Variants in SLC39A9 observed in about 807,000 individuals in gnomAD.
SLC39A9 encodes zinc transporter ZIP9.
A neutral mutation model predicts 28.4 loss-of-function variants in SLC39A9; 14 were observed. That is an observed-to-expected ratio of 0.49 (90% CI 0.33 to 0.77). The LOEUF (loss-of-function observed/expected upper bound fraction) is 0.77, where lower values mean the gene tolerates loss of function less well. SLC39A9 is among the 30% of genes least tolerant of loss of function. The pLI, the probability that SLC39A9 is intolerant of heterozygous loss-of-function variation, is 0.02. For missense variants in SLC39A9, 283 were observed against 381.1 expected (o/e 0.74, Z 2.14); for synonymous variants, 119 against 149.6 (o/e 0.80, Z 1.49).
chr14:69,450,609 A>G (rs1248649484), intron 3 of SLC39A9, among the ~76,000 whole-genome samples: 2 of 152,078 alleles, frequency 1.3e-5, no homozygotes, highest in African/African-American at 2.4e-5. Flanking sequence ...ACCCATCTCT[A>G]CAAAAAAGTA....
At chr14:69,401,135 A>C (rs1272616849) in intron 1 of SLC39A9, among the ~76,000 whole-genome samples, 1 of 152,198 alleles carries the variant, frequency 6.6e-6, no homozygotes, top group Non-Finnish European at 1.5e-5. Context: ...GCATTTCGGC[A>C]AAGGTACATG....
intron 2 of SLC39A9, among the ~76,000 whole-genome samples, chr14:69,430,684 G>A (rs1286551962): frequency 6.8e-6 from 1 of 147,688 alleles, no homozygotes; most frequent in East Asian, 2.0e-4. Context: ...GCTGGAGTGT[G>A]CAGTGGCATG....
At chr14:69,432,629 T>A (rs1219659893) in intron 2 of SLC39A9, among the ~76,000 whole-genome samples, 1 of 152,198 alleles carries the variant, frequency 6.6e-6, no homozygotes, top group Non-Finnish European at 1.5e-5. Flanking sequence ...TTCCCAAGGC[T>A]GATGTCCAGA....
chr14:69,459,486 A>T lies in SLC39A9; in HGVS notation c.*893A>T, dbSNP rs1256350441. 2.0e-6 allele frequency: 2 copies of T among 984,310 alleles called. No individual in the cohort carries two copies. Among genetic ancestry groups the T allele is most frequent in the Non-Finnish European group, 2.4e-6 (2 of 829,270 alleles). The allele number at this position is 984,310 out of a possible 1,614,324, so 61.0% of individuals were successfully genotyped here. A position where few individuals can be genotyped will look rare whatever the true frequency, so the allele number is the denominator to read the frequency against. Reference sequence around the variant, plus strand: ...ATATTAAATTTTAAGTGATTTTTGGATGGTTATTGATATCTTTGTAGTAGC... The same window carrying T: ...ATATTAAATTTTAAGTGATTTTTGGTTGGTTATTGATATCTTTGTAGTAGC... On this transcript the variant is annotated 3_prime_UTR_variant, in exon 7 of 7. Transcript: ENST00000336643.
At chr14:69,405,449 A>G (rs1882862165) in intron 1 of SLC39A9, among the ~76,000 whole-genome samples, 1 of 152,120 alleles carries the variant, frequency 6.6e-6, no homozygotes, top group East Asian at 1.9e-4. Context: ...TTGGAATTTC[A>G]TTTGTAAATT....
intron 2 of SLC39A9, among the ~76,000 whole-genome samples, chr14:69,435,297 C>T (rs1884686492): frequency 6.6e-6 from 1 of 152,108 alleles, no homozygotes; most frequent in Non-Finnish European, 1.5e-5. Flanking sequence ...TGTGCAATAT[C>T]CCTCTTTATT....
intron 1 of SLC39A9, among the ~76,000 whole-genome samples, chr14:69,403,399 G>T (rs920690306): frequency 6.6e-6 from 1 of 152,212 alleles, no homozygotes; most frequent in Non-Finnish European, 1.5e-5. Context: ...ACTCACCTGA[G>T]TATGTCTCCT....
chr14:69,401,359 TC>T (rs1413204575), intron 1 of SLC39A9, among the ~76,000 whole-genome samples: 1 of 152,210 alleles, frequency 6.6e-6, no homozygotes, highest in Non-Finnish European at 1.5e-5. Flanking sequence ...CTGCTATGTT[TC>T]CTTTGACATA....
intron 3 of SLC39A9, among the ~76,000 whole-genome samples, chr14:69,446,895 AG>A (rs1192741137): frequency 1.7e-4 from 24 of 144,266 alleles, no homozygotes; most frequent in Admixed American, 2.7e-4. Flanking sequence ...AAAAAGAAAA[AG>A]AAAAAAAAAT....
chr14:69,459,554 T>G lies in SLC39A9; in HGVS notation c.*961T>G. On this transcript the variant is annotated 3_prime_UTR_variant, in exon 7 of 7. Transcript: ENST00000336643. The stretch of plus-strand genomic sequence containing the variant: ...CAAAATGTATGGTTGTCCTTTTTTT[T>G]TGTTTTTTTTTTTTTTAATTATTTC... 1.1e-6 allele frequency: 1 copy of G among 951,436 alleles called. No homozygotes were observed. Among genetic ancestry groups the G allele is most frequent in the Non-Finnish European group, 1.2e-6 (1 of 812,678 alleles). The allele number at this position is 951,436 out of a possible 1,614,324, so 58.9% of individuals were successfully genotyped here.
chr14:69,427,821 A>G (rs1288613635), intron 2 of SLC39A9, among the ~76,000 whole-genome samples: 1 of 152,256 alleles, frequency 6.6e-6, no homozygotes, highest in Non-Finnish European at 1.5e-5. Flanking sequence ...TTGTTATAAC[A>G]TGTCTGAACA....
Position 69,399,336 on chromosome 14 carries a change from G to T in SLC39A9, c.-34G>T, listed in dbSNP as rs764633089. The T allele has an allele frequency of 2.3e-5, 37 of 1,587,150 alleles. No homozygotes were observed. The highest frequency in any genetic ancestry group is 3.2e-5 in the Non-Finnish European group (37 of 1,156,930). ...CATTTAAAGCCACTGGAAATTTGTT[G>T]TCTAGTGGTTGTGGGTGAATAAAGG... On this transcript the variant is annotated 5_prime_UTR_variant, in exon 1 of 7. Transcript: ENST00000336643.
intron 1 of SLC39A9, among the ~76,000 whole-genome samples, chr14:69,413,561 C>T (rs1883400399): frequency 6.6e-6 from 1 of 151,698 alleles, no homozygotes; most frequent in Non-Finnish European, 1.5e-5. Context: ...TTATGATGTG[C>T]TCACTGTATT....
Position 69,417,474 on chromosome 14 carries a change from A to G in SLC39A9, c.97-6620A>G, listed in dbSNP as rs183642441. ...AATGCGACCTGTTTTTTGGTTCTAT[A>G]TGAACTTTAAAGTAGTTTTTTCCAA... is the stretch of plus-strand genomic sequence containing the variant. On this transcript the variant is annotated intron_variant, in intron 1 of 6. Coordinates refer to ENST00000336643, the MANE Select transcript of SLC39A9 (RefSeq NM_018375.5). Among the ~76,000 whole-genome samples, 10 of 152,294 alleles carry G rather than the reference A, an allele frequency of 6.6e-5. No homozygotes were observed. The East Asian group carries it at 1.7e-3, about 26-fold the overall frequency.
chr14:69,448,884 G>T (rs1050298780), intron 3 of SLC39A9, among the ~76,000 whole-genome samples: 2 of 148,948 alleles, frequency 1.3e-5, no homozygotes, highest in African/African-American at 4.9e-5. Flanking sequence ...AAATGTTAGA[G>T]AAAAAGAATG....
intron 2 of SLC39A9, among the ~76,000 whole-genome samples, chr14:69,429,700 A>G (rs1272709053): frequency 6.6e-6 from 1 of 152,232 alleles, no homozygotes; most frequent in Non-Finnish European, 1.5e-5. Context: ...CTTTGGCATC[A>G]GAGCAAGACA....
At chr14:69,428,559 T>C (rs1449088869) in intron 2 of SLC39A9, 2 of 152,638 alleles carry the variant, frequency 1.3e-5, no homozygotes, top group African/African-American at 4.8e-5. Flanking sequence ...TTCCACTCGA[T>C]AGATGCCAAA....
chr14:69,451,285 C>T (rs1436477913), intron 3 of SLC39A9, among the ~76,000 whole-genome samples: 2 of 152,206 alleles, frequency 1.3e-5, no homozygotes, highest in Non-Finnish European at 2.9e-5. Flanking sequence ...TAAACCCCTT[C>T]CTTTTGTATG....
intron 3 of SLC39A9, among the ~76,000 whole-genome samples, chr14:69,451,522 A>G (rs1456163175): frequency 6.6e-6 from 1 of 152,188 alleles, no homozygotes; most frequent in Non-Finnish European, 1.5e-5. Flanking sequence ...TCTGTCAGAC[A>G]TGTTAAAGGA....
Sources: gnomAD v4.1 joint callset for allele counts (sites outside exome capture counted in the v4.1 genomes callset) on GRCh38, gnomAD v4.1.1 for gene constraint, MANE v1.5 for transcripts, NCBI Gene and HGNC (gene_info 2026-07-23, HGNC 2026-07-21) for gene names.